Variants in WDPCP observed in about 807,000 individuals in gnomAD.
WDPCP encodes WD repeat containing planar cell polarity effector.
A neutral mutation model predicts 93.1 loss-of-function variants in WDPCP; 71 were observed. The ratio of observed to expected loss-of-function variants is 0.76; its 90% CI spans 0.63 to 0.93. The LOEUF is 0.93. Among genes scored for constraint, WDPCP ranks in the 40% least tolerant of loss-of-function variants. The pLI is 0.00. For missense variants in WDPCP, 844 were observed against 887.4 expected (o/e 0.95, Z 0.62); for synonymous variants, 315 against 315.0 (o/e 1.00, Z 0.00).
At chr2:63,494,204 T>C (rs1017421612) in intron 1 of WDPCP, among the ~76,000 whole-genome samples, 1 of 151,976 alleles carries the variant, frequency 6.6e-6, no homozygotes, top group Non-Finnish European at 1.5e-5. Context: ...AGCTGGGCTG[T>C]GAGAAAGCTC....
rs529112037 is a variant in WDPCP, at chr2:63,594,111, T to C, written n.488+56548A>G. Among the ~76,000 whole-genome samples the C allele has an allele frequency of 1.9e-4, 29 of 152,310 alleles. 1 individual carries two copies. In the South Asian group the frequency reaches 5.8e-3, roughly 30 times the overall value. On this transcript the variant is annotated intron_variant and non_coding_transcript_variant, in intron 3 of 4. Coordinates refer to the WDPCP transcript ENST00000467687. ...TTCACTCTTCTTCTTGGTATGAAGA[T>C]TCTATTGAGCAGATGGGAGTGGGGG...
chr2:63,212,223 T>C (rs1423173874), intron 14 of WDPCP, among the ~76,000 whole-genome samples: 1 of 152,186 alleles, frequency 6.6e-6, no homozygotes, highest in Non-Finnish European at 1.5e-5. Flanking sequence ...GAGAGAAATG[T>C]TGGGTTACCC....
chr2:63,595,271 G>C, intron 3 of WDPCP: 1 of 673,952 alleles, frequency 1.5e-6, no homozygotes, highest in Non-Finnish European at 2.7e-6. Context: ...AAGTGGCATA[G>C]TGCTAGATAC....
At chr2:63,285,030 C>G (rs994272760) in intron 13 of WDPCP, among the ~76,000 whole-genome samples, 4 of 151,558 alleles carry the variant, frequency 2.6e-5, no homozygotes, top group African/African-American at 9.7e-5. Context: ...AATGAAGCAC[C>G]AAAAAAGGTA....
chr2:63,297,042 C>T (rs1017375402), intron 13 of WDPCP, among the ~76,000 whole-genome samples: 3 of 152,146 alleles, frequency 2.0e-5, no homozygotes, highest in African/African-American at 4.8e-5. Context: ...TGCTGTTGTT[C>T]TGGATGCCTA....
chr2:63,601,525 A>G (rs1709418241), intron 3 of WDPCP, among the ~76,000 whole-genome samples: 1 of 152,270 alleles, frequency 6.6e-6, no homozygotes, highest in South Asian at 2.1e-4. Flanking sequence ...TGTGACAGAC[A>G]TGAGTGTCTA....
intron 1 of WDPCP, among the ~76,000 whole-genome samples, chr2:63,499,828 T>C (rs1014752933): frequency 6.6e-6 from 1 of 152,210 alleles, no homozygotes; most frequent in Admixed American, 6.5e-5. Context: ...TGCATCATCA[T>C]GTGCCCAGTA....
intron 17 of WDPCP, among the ~76,000 whole-genome samples, chr2:63,133,459 G>A (rs941018757): frequency 7.9e-5 from 12 of 152,194 alleles, no homozygotes; most frequent in Non-Finnish European, 1.5e-4. Flanking sequence ...TGATTTGGCT[G>A]TGTGTCCCCA....
At chr2:63,811,209 T>G (rs1172181271) in intron 2 of WDPCP, among the ~76,000 whole-genome samples, 1 of 152,208 alleles carries the variant, frequency 6.6e-6, no homozygotes, top group Non-Finnish European at 1.5e-5. Context: ...CTTTGCCTCT[T>G]GGTGTTCACA....
At chr2:63,350,883 T>C (rs1689551491) in intron 12 of WDPCP, among the ~76,000 whole-genome samples, 1 of 152,114 alleles carries the variant, frequency 6.6e-6, no homozygotes, top group Non-Finnish European at 1.5e-5. Flanking sequence ...CTCCCTTGCT[T>C]TCTATCCTGA....
chr2:63,605,972 G>A, intron 3 of WDPCP: 1 of 1,614,136 alleles, frequency 6.2e-7, no homozygotes, highest in Non-Finnish European at 8.5e-7. Context: ...TATCTCTGAT[G>A]GCAACTCCTA....
chr2:63,367,879 CAT>C (rs1691040459), intron 12 of WDPCP, among the ~76,000 whole-genome samples: 3 of 152,110 alleles, frequency 2.0e-5, no homozygotes, highest in South Asian at 2.1e-4. Context: ...GCAATAACCA[CAT>C]GTGATCAAAG....
chr2:63,543,892 T>C (rs1405997007), intron 1 of WDPCP, among the ~76,000 whole-genome samples: 1 of 152,100 alleles, frequency 6.6e-6, no homozygotes, highest in Non-Finnish European at 1.5e-5. Context: ...GAAAACCAAA[T>C]TGGATCAGTT....
intron 4 of WDPCP, among the ~76,000 whole-genome samples, chr2:63,485,359 A>T (rs1192703442): frequency 7.1e-6 from 1 of 141,012 alleles, no homozygotes; most frequent in African/African-American, 2.7e-5. Context: ...ACCTACTCAG[A>T]CCTAAAAAAA....
At chr2:63,497,890 G>A (rs192861255) in intron 1 of WDPCP, among the ~76,000 whole-genome samples, 2 of 152,222 alleles carry the variant, frequency 1.3e-5, no homozygotes, top group East Asian at 1.9e-4. Flanking sequence ...TTCAGAAGGG[G>A]GTGCGGGCAG....
intron 1 of WDPCP, among the ~76,000 whole-genome samples, chr2:63,526,981 A>T (rs1444779790): frequency 6.6e-6 from 1 of 152,222 alleles, no homozygotes; most frequent in African/African-American, 2.4e-5. Context: ...CACACAGCCA[A>T]TGAAACAAGG....
intron 1 of WDPCP, among the ~76,000 whole-genome samples, chr2:63,566,408 C>G (rs751192342): frequency 2.0e-5 from 3 of 152,224 alleles, no homozygotes; most frequent in Non-Finnish European, 4.4e-5. Flanking sequence ...GTTGTCCTGC[C>G]TTTCCAGACT....
At chr2:63,600,797 G>A (rs1282156840) in intron 3 of WDPCP, among the ~76,000 whole-genome samples, 1 of 152,154 alleles carries the variant, frequency 6.6e-6, no homozygotes, top group African/African-American at 2.4e-5. Context: ...TTGTTTGAAT[G>A]GCAGGCAGTT....
In WDPCP at chr2:63,792,089, T is replaced by C. The variant is rs184293727; in HGVS notation, n.308+21533A>G. 4.4e-3 allele frequency among the ~76,000 whole-genome samples: 669 copies of C among 152,250 alleles called. 8 individuals are homozygous for C. Among genetic ancestry groups the C allele is most frequent in the African/African-American group, 0.015 (618 of 41,544 alleles). On this transcript the variant is annotated intron_variant and non_coding_transcript_variant, in intron 2 of 4. Coordinates refer to the WDPCP transcript ENST00000467687. The stretch of plus-strand genomic sequence containing the variant: ...GATGACATGAAAAAGAATCAGTAAA[T>C]AGACATCTTCAAAACAGTGTGCTGT...
Sources: allele counts gnomAD v4.1 joint callset (sites outside exome capture counted in the v4.1 genomes callset), GRCh38; gene constraint gnomAD v4.1.1; transcripts MANE v1.5; gene names NCBI Gene and HGNC (gene_info 2026-07-23, HGNC 2026-07-21).